MIS18A: variants seen among roughly 807,000 people sequenced by gnomAD.
MIS18A encodes the protein MIS18 kinetochore protein A.
A neutral mutation model predicts 25.0 loss-of-function variants in MIS18A; 14 were observed. The observed-to-expected ratio is 0.56, with a 90% CI of 0.37 to 0.88. The LOEUF (loss-of-function observed/expected upper bound fraction) is 0.88, where lower values mean the gene tolerates loss of function less well. MIS18A is among the 40% of genes least tolerant of loss of function. MIS18A has a pLI of 0.00. For synonymous variants in MIS18A, 134 were observed against 118.6 expected (o/e 1.13, Z -0.84); for missense variants, 292 against 290.8 (o/e 1.00, Z -0.03).
chr21:32,248,684 A>G, the MIS18A span, among the ~76,000 whole-genome samples: 1 of 152,204 alleles, frequency 6.6e-6, no homozygotes, highest in Non-Finnish European at 1.5e-5. Flanking sequence ...TTCACTCAGT[A>G]ACACCAAGAT....
chr21:32,181,935 CTGGTT>C, the MIS18A span, among the ~76,000 whole-genome samples: 5 of 152,302 alleles, frequency 3.3e-5, no homozygotes, highest in South Asian at 1.0e-3. Context: ...CTCCCTGCCT[CTGGTT>C]CCTTGTTTGT....
At chr21:32,167,530 A>G in the MIS18A span, among the ~76,000 whole-genome samples, 1 of 152,198 alleles carries the variant, frequency 6.6e-6, no homozygotes, top group Non-Finnish European at 1.5e-5. Context: ...GCAAAAATGA[A>G]GATTGGTGAG....
chr21:32,210,346 T>A, the MIS18A span, among the ~76,000 whole-genome samples: 1 of 152,204 alleles, frequency 6.6e-6, no homozygotes, highest in Admixed American at 6.5e-5. Context: ...TTAATAATAC[T>A]ATTATTACCC....
At chr21:32,231,716 A>G in the MIS18A span, among the ~76,000 whole-genome samples, 5 of 152,184 alleles carry the variant, frequency 3.3e-5, no homozygotes, top group Non-Finnish European at 7.3e-5. Flanking sequence ...GAGCGAGACC[A>G]TCCTGATAAA....
the MIS18A span, among the ~76,000 whole-genome samples, chr21:32,203,248 A>C: frequency 6.6e-6 from 1 of 152,170 alleles, no homozygotes; most frequent in East Asian, 1.9e-4. Flanking sequence ...AAGAAGGAAT[A>C]GAAAAAATAA....
downstream of MIS18A, among the ~76,000 whole-genome samples, chr21:32,266,274 C>G (rs1402156135): frequency 3.3e-5 from 5 of 152,162 alleles, no homozygotes; most frequent in Non-Finnish European, 7.3e-5. Flanking sequence ...ACCTTTGTAT[C>G]TAGCTCAGGG....
chr21:32,236,171 G>A, the MIS18A span, among the ~76,000 whole-genome samples: 4 of 151,570 alleles, frequency 2.6e-5, no homozygotes, highest in Non-Finnish European at 4.4e-5. Context: ...TCAGGAGATC[G>A]AGACCATCCT....
At chr21:32,270,880 C>A (rs757427491) in intron 2 of MIS18A, among the ~76,000 whole-genome samples, 1 of 152,184 alleles carries the variant, frequency 6.6e-6, no homozygotes, top group Non-Finnish European at 1.5e-5. Context: ...CACTACTCAC[C>A]TCTGCCATTG....
intron 1 of MIS18A, among the ~76,000 whole-genome samples, chr21:32,275,376 T>C (rs2031790942): frequency 6.6e-6 from 1 of 152,188 alleles, no homozygotes; most frequent in Non-Finnish European, 1.5e-5. Context: ...CAAAGAATTA[T>C]CTGCCAGATA....
the MIS18A span, among the ~76,000 whole-genome samples, chr21:32,249,706 G>C: frequency 6.6e-6 from 1 of 152,068 alleles, no homozygotes; most frequent in South Asian, 2.1e-4. Context: ...CCACACATAG[G>C]GGAAGGGGAG....
At chr21:32,158,301 T>C in the MIS18A span, among the ~76,000 whole-genome samples, 2 of 152,136 alleles carry the variant, frequency 1.3e-5, no homozygotes, top group Non-Finnish European at 1.5e-5. Context: ...TTTAAAGATA[T>C]CAATCTGAAG....
the MIS18A span, among the ~76,000 whole-genome samples, chr21:32,245,331 G>A: frequency 6.6e-6 from 1 of 152,314 alleles, no homozygotes; most frequent in East Asian, 1.9e-4. Flanking sequence ...CACAGATAAA[G>A]CAGAGAGAAT....
the MIS18A span, among the ~76,000 whole-genome samples, chr21:32,242,485 T>A: frequency 6.6e-6 from 1 of 152,286 alleles, no homozygotes; most frequent in African/African-American, 2.4e-5. Context: ...TTCATCTGAA[T>A]TAGACTGTAC....
At chr21:32,197,613 T>C in the MIS18A span, among the ~76,000 whole-genome samples, 2 of 152,348 alleles carry the variant, frequency 1.3e-5, no homozygotes, top group East Asian at 1.9e-4. Flanking sequence ...AAATTAGAAC[T>C]ATTTAGATCA....
chr21:32,274,740 C>T, intron 2 of MIS18A, 90 bp downstream of exon 2: 2 of 999,136 alleles, frequency 2.0e-6, no homozygotes, highest in Non-Finnish European at 1.5e-6. Flanking sequence ...AAGTTTTATC[C>T]CAAGTAATCT....
At chr21:32,188,003 G>GTCTCTCTC in the MIS18A span, among the ~76,000 whole-genome samples, 41,169 of 149,940 alleles carry the variant, frequency 0.27, 5,781 homozygotes, top group South Asian at 0.35. Context: ...CTCCCTTTCT[G>GTCTCTCTC]TCTCTCTCTC....
downstream of MIS18A, among the ~76,000 whole-genome samples, chr21:32,263,717 AGT>A: frequency 6.6e-6 from 1 of 152,166 alleles, no homozygotes; most frequent in East Asian, 1.9e-4. Flanking sequence ...TGAAAAGAGA[AGT>A]CACTTTCTCT....
At chr21:32,180,374 C>G in the MIS18A span, among the ~76,000 whole-genome samples, 2 of 152,190 alleles carry the variant, frequency 1.3e-5, no homozygotes, top group African/African-American at 4.8e-5. Context: ...ATGCCACTTT[C>G]ATTTCCCAAG....
chr21:32,274,435 C>T (rs2031772612), intron 2 of MIS18A, among the ~76,000 whole-genome samples: 1 of 151,874 alleles, frequency 6.6e-6, no homozygotes, highest in Non-Finnish European at 1.5e-5. Context: ...GAATTCCTGA[C>T]CCCCCGGTGA....
Sources: allele counts gnomAD v4.1 joint callset (sites outside exome capture counted in the v4.1 genomes callset), GRCh38; gene constraint gnomAD v4.1.1; transcripts MANE v1.5; gene names NCBI Gene and HGNC (gene_info 2026-07-23, HGNC 2026-07-21).